XKR4: variants seen among roughly 807,000 people sequenced by gnomAD.
XKR4 encodes XK-related protein 4.
In XKR4, 12 loss-of-function variants were observed where a neutral mutation model predicts 53.9. The ratio of observed to expected loss-of-function variants is 0.22; its 90% CI spans 0.14 to 0.36. XKR4 has a LOEUF of 0.36. XKR4 is among the 10% of genes least tolerant of loss of function. The probability of loss-of-function intolerance (pLI) is 1.00; values close to 1 mark genes in which losing one functional copy is unlikely to be tolerated. For missense variants in XKR4, 799 were observed against 859.5 expected (o/e 0.93, Z 0.88); for synonymous variants, 354 against 362.4 (o/e 0.98, Z 0.26).
At chr8:55,520,363 A>G (rs994004512) in intron 2 of XKR4, among the ~76,000 whole-genome samples, 7 of 152,382 alleles carry the variant, frequency 4.6e-5, no homozygotes, top group South Asian at 4.1e-4. Flanking sequence ...AGGCAGGAGG[A>G]TCACTTGAAG....
intron 1 of XKR4, among the ~76,000 whole-genome samples, chr8:55,282,105 T>C (rs571035708): frequency 2.6e-5 from 4 of 152,210 alleles, no homozygotes; most frequent in African/African-American, 7.2e-5. Context: ...GGGAAAGAAC[T>C]CTAGCCATAG....
intron 2 of XKR4, among the ~76,000 whole-genome samples, chr8:55,410,059 G>A (rs1312930238): frequency 6.6e-6 from 1 of 151,750 alleles, no homozygotes; most frequent in Non-Finnish European, 1.5e-5. Context: ...GTTTGCCATG[G>A]CTAGTTGATT....
intron 1 of XKR4, among the ~76,000 whole-genome samples, chr8:55,228,413 C>G (rs1817987143): frequency 6.6e-6 from 1 of 152,148 alleles, no homozygotes. Flanking sequence ...TACAAGAAAT[C>G]ATTTTTAAGG....
chr8:55,405,381 T>C (rs1049068473), intron 2 of XKR4, among the ~76,000 whole-genome samples: 1 of 152,216 alleles, frequency 6.6e-6, no homozygotes, highest in Non-Finnish European at 1.5e-5. Flanking sequence ...TGTTGGCAAC[T>C]GTCCACATAG....
At chr8:55,460,721 C>T (rs145192883) in intron 2 of XKR4, among the ~76,000 whole-genome samples, 6 of 152,306 alleles carry the variant, frequency 3.9e-5, no homozygotes, top group African/African-American at 1.4e-4. Context: ...CAGGGAATTC[C>T]CTTTCCTAGT....
intron 1 of XKR4, among the ~76,000 whole-genome samples, chr8:55,235,827 T>G (rs1264787639): frequency 1.3e-5 from 2 of 152,184 alleles, no homozygotes; most frequent in Non-Finnish European, 2.9e-5. Flanking sequence ...GACTGCTGGG[T>G]GCCAAGTTAC....
intron 2 of XKR4, among the ~76,000 whole-genome samples, chr8:55,467,165 C>T (rs776117476): frequency 8.5e-5 from 13 of 152,216 alleles, no homozygotes; most frequent in Non-Finnish European, 1.3e-4. Context: ...GCTCCTAGAG[C>T]TCAGTCACCA....
intron 2 of XKR4, among the ~76,000 whole-genome samples, chr8:55,387,321 C>T (rs1208800587): frequency 2.0e-5 from 3 of 152,266 alleles, no homozygotes; most frequent in African/African-American, 7.2e-5. Flanking sequence ...CTGTGACTAT[C>T]GTGGATCACC....
intron 1 of XKR4, among the ~76,000 whole-genome samples, chr8:55,201,664 T>A (rs1233189147): frequency 6.6e-6 from 1 of 152,220 alleles, no homozygotes; most frequent in Non-Finnish European, 1.5e-5. Context: ...CCATAAGCTA[T>A]AAGAACTGAA....
chr8:55,451,737 T>C, intron 2 of XKR4: 1 of 1,221,668 alleles, frequency 8.2e-7, no homozygotes, highest in Non-Finnish European at 1.2e-6. Flanking sequence ...TGCGGAAGGA[T>C]TCAGACTTGG....
chr8:55,150,394 G>A (rs1816825167), intron 1 of XKR4, among the ~76,000 whole-genome samples: 1 of 152,222 alleles, frequency 6.6e-6, no homozygotes. Context: ...GAGGAAGAAA[G>A]TTGTTAGCAG....
intron 2 of XKR4, among the ~76,000 whole-genome samples, chr8:55,495,589 CA>C (rs1806332246): frequency 6.6e-6 from 1 of 152,208 alleles, no homozygotes; most frequent in Admixed American, 6.5e-5. Context: ...GGGGGCCTCC[CA>C]GGGGTGGATT....
At chr8:55,361,262 C>T (rs537425109) in intron 2 of XKR4, among the ~76,000 whole-genome samples, 20 of 151,898 alleles carry the variant, frequency 1.3e-4, no homozygotes, top group Admixed American at 4.6e-4. Flanking sequence ...AGGAGAGAGG[C>T]GGAGAGGGGA....
chr8:55,423,067 T>C (rs185310759), intron 2 of XKR4, among the ~76,000 whole-genome samples: 1 of 152,066 alleles, frequency 6.6e-6, no homozygotes, highest in African/African-American at 2.4e-5. Context: ...ACAACACACA[T>C]CTTGAAAGTT....
At position 55,459,581 on chromosome 8, in the gene XKR4, A is replaced by G. The variant is rs1478457745; in HGVS notation, c.1007-63700A>G. On this transcript the variant is annotated intron_variant, in intron 2 of 2. Coordinates refer to ENST00000327381, the MANE Select transcript of XKR4 (RefSeq NM_052898.2). ...TCAATAACTCTTACAACTCAATAATATAACAAACAATTCAATAAAAATAGA... is the reference window on the plus strand; with the variant it reads ...TCAATAACTCTTACAACTCAATAATGTAACAAACAATTCAATAAAAATAGA... Among the ~76,000 whole-genome samples, 2 of 152,188 alleles carry G rather than the reference A, an allele frequency of 1.3e-5. 1 individual carries two copies. The highest frequency in any genetic ancestry group is 1.3e-4 in the Admixed American group (2 of 15,278).
At chr8:55,454,134 A>C in intron 2 of XKR4, 1 of 882,942 alleles carries the variant, frequency 1.1e-6, no homozygotes, top group African/African-American at 1.7e-5. Flanking sequence ...AGGTCAACCA[A>C]CTCCAGCTCC....
At chr8:55,381,383 A>C (rs1254990287) in intron 2 of XKR4, among the ~76,000 whole-genome samples, 1 of 152,184 alleles carries the variant, frequency 6.6e-6, no homozygotes, top group East Asian at 1.9e-4. Flanking sequence ...GGCTCACACA[A>C]TTATGGAGGC....
intron 2 of XKR4, among the ~76,000 whole-genome samples, chr8:55,425,413 A>T (rs1804997295): frequency 7.8e-6 from 1 of 128,670 alleles, no homozygotes; most frequent in South Asian, 2.5e-4. Flanking sequence ...ACTCTCGTCT[A>T]GCCTCTCTCA....
intron 2 of XKR4, among the ~76,000 whole-genome samples, chr8:55,375,922 C>T (rs1804145181): frequency 6.6e-6 from 1 of 152,026 alleles, no homozygotes. Context: ...TTGTTCCCTG[C>T]CATGTGTCCA....
Sources: allele counts gnomAD v4.1 joint callset (sites outside exome capture counted in the v4.1 genomes callset), GRCh38; gene constraint gnomAD v4.1.1; transcripts MANE v1.5; gene names NCBI Gene and HGNC (gene_info 2026-07-23, HGNC 2026-07-21).